Variants in GRB10 observed in about 807,000 individuals in gnomAD.
GRB10 encodes the protein growth factor receptor-bound protein 10.
Under a neutral mutation model 80.9 loss-of-function variants are expected in GRB10, and 20 were observed. That is an observed-to-expected ratio of 0.25 (90% CI 0.17 to 0.36). GRB10 has a LOEUF of 0.36. GRB10 is among the 10% of genes least tolerant of loss of function. GRB10 has a pLI of 1.00. For synonymous variants in GRB10, 291 were observed against 291.5 expected (o/e 1.00, Z 0.02); for missense variants, 548 against 747.7 (o/e 0.73, Z 3.12).
chr7:50,633,911 G>A (rs2054473133), intron 7 of GRB10, among the ~76,000 whole-genome samples: 1 of 152,018 alleles, frequency 6.6e-6, no homozygotes, highest in South Asian at 2.1e-4. Flanking sequence ...TTTAAACCTA[G>A]GACTTATAGG....
chr7:50,743,198 TCCAACTG>T (rs913090789), intron 3 of GRB10, among the ~76,000 whole-genome samples: 3 of 152,222 alleles, frequency 2.0e-5, no homozygotes, highest in African/African-American at 7.2e-5. Context: ...CCTCATTGCT[TCCAACTG>T]CACATTATTA....
intron 2 of GRB10, among the ~76,000 whole-genome samples, chr7:50,757,354 C>T (rs1364904117): frequency 6.6e-6 from 1 of 152,208 alleles, no homozygotes; most frequent in Admixed American, 6.5e-5. Flanking sequence ...GTATAGCAAA[C>T]GTTAAACAAA....
intron 7 of GRB10, among the ~76,000 whole-genome samples, chr7:50,659,205 G>A (rs1013519320): frequency 1.8e-4 from 27 of 152,180 alleles, no homozygotes; most frequent in African/African-American, 6.3e-4. Context: ...GGGAAATGTA[G>A]AATTGCCAAG....
intron 7 of GRB10, among the ~76,000 whole-genome samples, chr7:50,652,683 T>C (rs1247647791): frequency 6.6e-6 from 1 of 152,158 alleles, no homozygotes; most frequent in African/African-American, 2.4e-5. Flanking sequence ...AGCCCTCCGA[T>C]CAAATACCTG....
intron 4 of GRB10, among the ~76,000 whole-genome samples, chr7:50,722,734 T>C (rs2153686039): frequency 6.6e-6 from 1 of 152,204 alleles, no homozygotes; most frequent in South Asian, 2.1e-4. Context: ...CCGCCCCCTC[T>C]CCTTCCCCGA....
upstream of GRB10, among the ~76,000 whole-genome samples, chr7:50,787,406 T>C (rs1011701519): frequency 1.1e-4 from 16 of 152,262 alleles, no homozygotes; most frequent in African/African-American, 3.4e-4. Flanking sequence ...CTTTAACCTA[T>C]GTCTACATAT....
intron 5 of GRB10, among the ~76,000 whole-genome samples, chr7:50,693,890 A>G (rs1379507070): frequency 6.6e-6 from 1 of 152,020 alleles, no homozygotes; most frequent in Non-Finnish European, 1.5e-5. Context: ...GCAAGGAGAA[A>G]GGGAGACCCA....
chr7:50,736,056 C>T (rs1265714658), intron 3 of GRB10, among the ~76,000 whole-genome samples: 4 of 151,838 alleles, frequency 2.6e-5, no homozygotes, highest in South Asian at 2.1e-4. Context: ...GAGACCAAGG[C>T]GGGCGGATCA....
At chr7:50,674,979 G>T (rs774170538) in intron 5 of GRB10, among the ~76,000 whole-genome samples, 3 of 152,072 alleles carry the variant, frequency 2.0e-5, no homozygotes, top group Non-Finnish European at 2.9e-5. Context: ...CCTCCGGTAG[G>T]CCGCACACAG....
chr7:50,640,565 A>T (rs2056043677), intron 7 of GRB10, among the ~76,000 whole-genome samples: 1 of 152,214 alleles, frequency 6.6e-6, no homozygotes, highest in Non-Finnish European at 1.5e-5. Context: ...TAGTATTAGA[A>T]TTTATGCATT....
At chr7:50,607,518 A>G (rs2048747168) in intron 13 of GRB10, among the ~76,000 whole-genome samples, 1 of 152,182 alleles carries the variant, frequency 6.6e-6, no homozygotes, top group South Asian at 2.1e-4. Context: ...AGAGCAAGTA[A>G]TCTTATTGAG....
intron 2 of GRB10, among the ~76,000 whole-genome samples, chr7:50,762,409 C>T (rs2075863644): frequency 6.6e-6 from 1 of 151,974 alleles, no homozygotes; most frequent in African/African-American, 2.4e-5. Context: ...GAAGCCCTCA[C>T]ATTGCTGACG....
At chr7:50,683,363 T>G in intron 5 of GRB10, among the ~76,000 whole-genome samples, 1 of 152,180 alleles carries the variant, frequency 6.6e-6, no homozygotes, top group Non-Finnish European at 1.5e-5. Flanking sequence ...GCCAGATGAA[T>G]AGAGTTCTAT....
intron 7 of GRB10, among the ~76,000 whole-genome samples, chr7:50,635,384 GAAAT>G (rs1485192369): frequency 1.3e-5 from 2 of 152,026 alleles, no homozygotes; most frequent in Non-Finnish European, 2.9e-5. Flanking sequence ...GCAGTGCTAA[GAAAT>G]AAGTTTTATA....
At chr7:50,675,540 G>C (rs2060836452) in intron 5 of GRB10, among the ~76,000 whole-genome samples, 1 of 152,208 alleles carries the variant, frequency 6.6e-6, no homozygotes, top group African/African-American at 2.4e-5. Flanking sequence ...TCTCATGTGA[G>C]AGTGCCTCAG....
At chr7:50,615,591 G>C (rs965591749) in intron 11 of GRB10, among the ~76,000 whole-genome samples, 2 of 152,188 alleles carry the variant, frequency 1.3e-5, no homozygotes, top group African/African-American at 4.8e-5. Flanking sequence ...CTGCTGGCCA[G>C]AGCAAAAGAG....
chr7:50,603,685 AT>A (rs932850642), intron 17 of GRB10, among the ~76,000 whole-genome samples: 8 of 152,214 alleles, frequency 5.3e-5, no homozygotes, highest in Admixed American at 2.0e-4. Context: ...AGGCAAAAGC[AT>A]TTTTTTTCCA....
rs754677210 is a variant in GRB10 at position 50,606,325 on chromosome 7, G to A, written c.1272+12C>T. 1.6e-5 allele frequency: 25 copies of A among 1,608,886 alleles called. No individual in the cohort carries two copies. Among genetic ancestry groups the A allele is most frequent in the South Asian group, 2.2e-5 (2 of 90,990 alleles). Reference sequence around the variant, plus strand: ...AAGGCACTAGACTTCTGAAGCTCCTGGCTTTACTTACCACTGGCGTCGAGA... The same window carrying A: ...AAGGCACTAGACTTCTGAAGCTCCTAGCTTTACTTACCACTGGCGTCGAGA... On this transcript the variant is annotated intron_variant, in intron 14 of 18. Transcript: ENST00000401949.
rs1375659819 is a variant in GRB10, at chr7:50,715,291, C to A, written c.52-11383G>T. ...AAGCAGAAGGGCTGGGCTGGCAGGG[C>A]AAGAGGACGGCGGTTCATAGTGATG... On this transcript the variant is annotated intron_variant, in intron 4 of 18. Coordinates refer to ENST00000401949, the MANE Select transcript of GRB10 (RefSeq NM_001350814.2). Among the ~76,000 whole-genome samples the A allele has an allele frequency of 2.6e-5, 4 of 151,532 alleles. No homozygotes were observed. The East Asian group carries it at 5.8e-4, about 22-fold the overall frequency.
Sources: allele counts gnomAD v4.1 joint callset (sites outside exome capture counted in the v4.1 genomes callset), GRCh38; gene constraint gnomAD v4.1.1; transcripts MANE v1.5; gene names NCBI Gene and HGNC (gene_info 2026-07-23, HGNC 2026-07-21).